The following CNGA3 variants were observed in gnomAD, a reference collection of about 807,000 sequenced individuals.
CNGA3 encodes cyclic nucleotide-gated channel alpha-3.
A neutral mutation model predicts 46.6 loss-of-function variants in CNGA3; 42 were observed. The observed-to-expected ratio is 0.90, with a 90% CI of 0.70 to 1.17. The LOEUF (loss-of-function observed/expected upper bound fraction) is 1.17, where lower values mean the gene tolerates loss of function less well. Among genes scored for constraint, CNGA3 ranks in the 50% most tolerant of loss-of-function variants. CNGA3 has a pLI of 0.00. For missense variants in CNGA3, 893 were observed against 890.7 expected (o/e 1.00, Z -0.03); for synonymous variants, 394 against 369.4 (o/e 1.07, Z -0.76).
At chr2:98,364,678 G>A (rs796946516) in intron 1 of CNGA3, among the ~76,000 whole-genome samples, 4 of 152,230 alleles carry the variant, frequency 2.6e-5, no homozygotes, top group African/African-American at 9.6e-5. Flanking sequence ...TGGTTATTTT[G>A]CAGGCTTGTT....
intron 2 of CNGA3, among the ~76,000 whole-genome samples, chr2:98,375,346 T>C (rs967309501): frequency 6.6e-6 from 1 of 152,170 alleles, no homozygotes; most frequent in Non-Finnish European, 1.5e-5. Flanking sequence ...AACACCTCCA[T>C]CCTTGGGATT....
chr2:98,395,741 T>G, intron 7 of CNGA3, 103 bp from the exon 8 acceptor site: 1 of 877,322 alleles, frequency 1.1e-6, no homozygotes, highest in Admixed American at 1.9e-5. Flanking sequence ...TATATATGTA[T>G]CACTGCATAC....
chr2:98,362,482 G>T lies in CNGA3; in HGVS notation c.-37-7457G>T, dbSNP rs552569923. Among the ~76,000 whole-genome samples the T allele has an allele frequency of 9.9e-5, 15 of 151,770 alleles. No individual in the cohort carries two copies. In the South Asian group the frequency reaches 1.9e-3, roughly 19 times the overall value. ...AGATGTGAACCACTACACCCGGCCT[G>T]CCCACTTTTTAATGTTGTTTTTTTT... On this transcript the variant is annotated intron_variant, in intron 1 of 7. Coordinates refer to ENST00000272602, the MANE Select transcript of CNGA3 (RefSeq NM_001298.3).
At chr2:98,380,939 G>T (rs1055617189) in intron 4 of CNGA3, among the ~76,000 whole-genome samples, 1 of 152,122 alleles carries the variant, frequency 6.6e-6, no homozygotes, top group Non-Finnish European at 1.5e-5. Flanking sequence ...GAGCGAGGTG[G>T]GGAGAGTGCT....
intron 1 of CNGA3, among the ~76,000 whole-genome samples, chr2:98,357,723 T>C (rs1691918516): frequency 6.6e-6 from 1 of 152,344 alleles, no homozygotes; most frequent in South Asian, 2.1e-4. Flanking sequence ...AATGGCATGT[T>C]CTTAGCTCTC....
intron 1 of CNGA3, among the ~76,000 whole-genome samples, chr2:98,369,175 C>A (rs183047103): frequency 6.6e-6 from 1 of 152,184 alleles, no homozygotes; most frequent in African/African-American, 2.4e-5. Context: ...GTTCGGCCTA[C>A]GCCCAGGAAT....
intron 7 of CNGA3, among the ~76,000 whole-genome samples, chr2:98,392,594 G>A (rs932998160): frequency 4.0e-5 from 6 of 150,430 alleles, no homozygotes; most frequent in African/African-American, 4.9e-5. Flanking sequence ...GAAAAGAAAA[G>A]AAAAAAAAAG....
chr2:98,363,759 G>GTACATTCTGT (rs1174016486), intron 1 of CNGA3, among the ~76,000 whole-genome samples: 1 of 152,134 alleles, frequency 6.6e-6, no homozygotes, highest in Admixed American at 6.5e-5. Context: ...CAATACCTAT[G>GTACATTCTGT]TACATTCTGT....
chr2:98,379,931 C>T (rs1226396468), intron 3 of CNGA3: 18 of 582,180 alleles, frequency 3.1e-5, no homozygotes, highest in African/African-American at 9.4e-5. Flanking sequence ...TGTCCCTTTC[C>T]GGGGAAGCCT....
At position 98,389,744 on chromosome 2, in the gene CNGA3, T is replaced by A; in HGVS notation, c.536T>A (p.Val179Asp). The A allele has an allele frequency of 3.7e-6, 6 of 1,613,444 alleles. No individual in the cohort carries two copies. The highest frequency in any genetic ancestry group is 5.1e-6 in the Non-Finnish European group (6 of 1,180,018). ...TGGCTGACCGCCATCGCCCTGCCTG[T>A]CTTCTATAACTGGTATCTGCTTATT... ...YRWLTAIALPVFYNWYLLICR... is the reference protein window; with the variant it reads ...YRWLTAIALPDFYNWYLLICR... The change falls in exon 6 of 8, where the codon GTC becomes GAC. Residue 179 changes from valine (V) to aspartate (D), a missense_variant. Physicochemically the swap from Val to Asp is radical, Grantham distance 152. Around this residue, in one of 3 missense-constraint regions of CNGA3, gnomAD observed 333 missense variants for 290.8 expected, o/e 1.15. Transcript: ENST00000272602.
At chr2:98,372,111 C>T (rs1460665156) in intron 2 of CNGA3, among the ~76,000 whole-genome samples, 3 of 152,210 alleles carry the variant, frequency 2.0e-5, no homozygotes, top group African/African-American at 4.8e-5. Context: ...GGAGTAGGCA[C>T]CCAGAAGAAG....
chr2:98,391,553 G>A (rs1692788493), intron 6 of CNGA3, among the ~76,000 whole-genome samples: 1 of 152,192 alleles, frequency 6.6e-6, no homozygotes, highest in Non-Finnish European at 1.5e-5. Context: ...CCCTTTACCT[G>A]ACTCTGCCAG....
chr2:98,361,371 T>C (rs1692029198), intron 1 of CNGA3, among the ~76,000 whole-genome samples: 1 of 152,216 alleles, frequency 6.6e-6, no homozygotes, highest in African/African-American at 2.4e-5. Flanking sequence ...CATTCCTTTT[T>C]ATGGCTGCAT....
chr2:98,383,291 G>A (rs936193554), intron 4 of CNGA3, 97 bp from the exon 5 acceptor site: 23 of 1,158,010 alleles, frequency 2.0e-5, no homozygotes, highest in Non-Finnish European at 2.9e-5. Context: ...CAGTGGGATA[G>A]GGATTGGGGG....
intron 4 of CNGA3, among the ~76,000 whole-genome samples, chr2:98,382,951 G>A (rs779749268): frequency 6.6e-6 from 1 of 152,206 alleles, no homozygotes; most frequent in African/African-American, 2.4e-5. Flanking sequence ...TGCAGGCTGC[G>A]TCCATCCTGG....
At chr2:98,355,544 T>A (rs1691861435) in intron 1 of CNGA3, among the ~76,000 whole-genome samples, 1 of 151,760 alleles carries the variant, frequency 6.6e-6, no homozygotes, top group African/African-American at 2.4e-5. Flanking sequence ...TCTGCACATA[T>A]TTTAAGTTTT....
chr2:98,350,038 A>G (rs1353640528), intron 1 of CNGA3, among the ~76,000 whole-genome samples: 7 of 152,260 alleles, frequency 4.6e-5, no homozygotes. Context: ...CCGAGAACTC[A>G]TCTAATCCCC....
chr2:98,347,630 A>C (rs1395105659), intron 1 of CNGA3, among the ~76,000 whole-genome samples: 2 of 152,194 alleles, frequency 1.3e-5, no homozygotes, highest in Non-Finnish European at 2.9e-5. Context: ...GGCCTGAACC[A>C]GGTGCCTCTG....
chr2:98,354,144 A>C (rs1691828273), intron 1 of CNGA3, among the ~76,000 whole-genome samples: 1 of 152,204 alleles, frequency 6.6e-6, no homozygotes, highest in South Asian at 2.1e-4. Flanking sequence ...GTAGTACCTA[A>C]TACAGTGTAA....
Sources: allele counts gnomAD v4.1 joint callset (sites outside exome capture counted in the v4.1 genomes callset), GRCh38; gene constraint gnomAD v4.1.1; regional missense constraint gnomAD v4.1.1; transcripts MANE v1.5; gene names NCBI Gene and HGNC (gene_info 2026-07-23, HGNC 2026-07-21).